WNT7A: variants seen among roughly 807,000 people sequenced by gnomAD.
The protein encoded by WNT7A is Wnt family member 7A.
A neutral mutation model predicts 28.2 loss-of-function variants in WNT7A; 16 were observed. The observed-to-expected ratio is 0.57, with a 90% CI of 0.38 to 0.86. The LOEUF (loss-of-function observed/expected upper bound fraction) is 0.86, where lower values mean the gene tolerates loss of function less well. Among genes scored for constraint, WNT7A ranks in the 40% least tolerant of loss-of-function variants. The pLI, the probability that WNT7A is intolerant of heterozygous loss-of-function variation, is 0.00. For missense variants in WNT7A, 411 were observed against 489.7 expected (o/e 0.84, Z 1.52); for synonymous variants, 190 against 195.9 (o/e 0.97, Z 0.25).
At chr3:13,856,975 A>AAGAAGGAGAAGAAGAAGGAGAAGG (rs1174632547) in intron 2 of WNT7A, among the ~76,000 whole-genome samples, 6 of 97,016 alleles carry the variant, frequency 6.2e-5, no homozygotes, top group Admixed American at 5.3e-4. Context: ...GAAGGAGAAG[A>AAGAAGGAGAAGAAGAAGGAGAAGG]AGAAGAAGAA....
At chr3:13,873,152 G>C (rs754451397) in intron 2 of WNT7A, among the ~76,000 whole-genome samples, 15 of 152,062 alleles carry the variant, frequency 9.9e-5, no homozygotes, top group Non-Finnish European at 1.9e-4. Context: ...TGTGACCCGG[G>C]ACAGTCCCAT....
At chr3:13,865,340 C>G (rs1412689738) in intron 2 of WNT7A, among the ~76,000 whole-genome samples, 1 of 152,172 alleles carries the variant, frequency 6.6e-6, no homozygotes, top group Non-Finnish European at 1.5e-5. Context: ...CAGTAGGCGG[C>G]AGGTGGAGCC....
At chr3:13,843,014 T>C (rs1262464589) in intron 3 of WNT7A, among the ~76,000 whole-genome samples, 1 of 152,122 alleles carries the variant, frequency 6.6e-6, no homozygotes, top group Admixed American at 6.5e-5. Flanking sequence ...CATCACCTAT[T>C]TTGGATAAAG....
chr3:13,863,574 C>T (rs1324802420), intron 2 of WNT7A: 1 of 151,860 alleles, frequency 6.6e-6, no homozygotes, highest in Non-Finnish European at 1.5e-5. Flanking sequence ...AGCTAAAACC[C>T]AGGATGAACT....
intron 2 of WNT7A, among the ~76,000 whole-genome samples, chr3:13,861,029 T>C (rs898056018): frequency 2.6e-5 from 4 of 152,210 alleles, no homozygotes; most frequent in Admixed American, 1.3e-4. Context: ...ATTTTACAGA[T>C]GCAGAAACTG....
At position 13,849,839 on chromosome 3, in the gene WNT7A, A is replaced by G. The variant is rs146408565; in HGVS notation, c.570+4693T>C. Among the ~76,000 whole-genome samples, 90 of 152,352 alleles carry G rather than the reference A, an allele frequency of 5.9e-4. 1 individual carries two copies. The highest frequency in any genetic ancestry group is 2.1e-3 in the African/African-American group (86 of 41,590). ...GCAGACAGAGAAAGCGGCCTGTGCA[A>G]TGGCCCTGAGGTGCGAACAAGCTTG... On this transcript the variant is annotated intron_variant, in intron 3 of 3. Coordinates refer to ENST00000285018, the MANE Select transcript of WNT7A (RefSeq NM_004625.4).
intron 3 of WNT7A, among the ~76,000 whole-genome samples, chr3:13,838,558 G>A (rs186358051): frequency 2.5e-4 from 38 of 152,248 alleles, no homozygotes; most frequent in African/African-American, 8.4e-4. Flanking sequence ...AACCATCTCA[G>A]GGCTGCTGTT....
rs1694011669 is a variant in WNT7A at position 13,816,804 on chromosome 3, T to C, written c.*2140A>G. On this transcript the variant is annotated 3_prime_UTR_variant, in exon 4 of 4. Transcript: ENST00000285018. ...ATCCATCTACCCATCCATCCATTTATCCATTCACCCACCCACCTACTTATC... is the reference window on the plus strand; with the variant it reads ...ATCCATCTACCCATCCATCCATTTACCCATTCACCCACCCACCTACTTATC... 6.6e-6 allele frequency: 1 copy of C among 152,094 alleles called. No individual in the cohort carries two copies. The highest frequency in any genetic ancestry group is 2.4e-5 in the African/African-American group (1 of 41,292). The allele number at this position is 152,094 out of a possible 1,614,324, so 9.4% of individuals were successfully genotyped here. A position where few individuals can be genotyped will look rare whatever the true frequency, so the allele number is the denominator to read the frequency against.
At chr3:13,833,763 G>T (rs989185306) in intron 3 of WNT7A, among the ~76,000 whole-genome samples, 1 of 152,226 alleles carries the variant, frequency 6.6e-6, no homozygotes, top group Non-Finnish European at 1.5e-5. Flanking sequence ...CTGACAGCGG[G>T]GACATGGAGC....
chr3:13,823,153 A>G (rs1050324272), intron 3 of WNT7A, among the ~76,000 whole-genome samples: 1 of 152,148 alleles, frequency 6.6e-6, no homozygotes, highest in Non-Finnish European at 1.5e-5. Context: ...GAGGCAGGGG[A>G]CAATAGCAGA....
intron 3 of WNT7A, among the ~76,000 whole-genome samples, chr3:13,849,113 A>C (rs1235140174): frequency 6.6e-6 from 1 of 152,222 alleles, no homozygotes; most frequent in Non-Finnish European, 1.5e-5. Context: ...AAGTGGCTAT[A>C]CAAGGGCAAC....
intron 2 of WNT7A, among the ~76,000 whole-genome samples, chr3:13,874,025 G>T (rs982174623): frequency 6.6e-6 from 1 of 152,222 alleles, no homozygotes; most frequent in Non-Finnish European, 1.5e-5. Flanking sequence ...GGGTGCAGAA[G>T]GGACTGCAGG....
At chr3:13,820,449 G>A (rs1285398470) in intron 3 of WNT7A, among the ~76,000 whole-genome samples, 1 of 151,734 alleles carries the variant, frequency 6.6e-6, no homozygotes, top group Non-Finnish European at 1.5e-5. Context: ...TCTCAGAGCT[G>A]GTCTGTGAGA....
At chr3:13,837,896 C>T (rs1009716877) in intron 3 of WNT7A, among the ~76,000 whole-genome samples, 1 of 152,198 alleles carries the variant, frequency 6.6e-6, no homozygotes, top group African/African-American at 2.4e-5. Context: ...CAGCTCTGGC[C>T]TCTCCCGACC....
intron 2 of WNT7A, among the ~76,000 whole-genome samples, chr3:13,868,748 A>G (rs1346110242): frequency 6.8e-6 from 1 of 147,502 alleles, no homozygotes; most frequent in African/African-American, 2.5e-5. Context: ...AGAGAAAGAA[A>G]GAAAGGAGGG....
intron 2 of WNT7A, among the ~76,000 whole-genome samples, chr3:13,863,315 G>A (rs999181094): frequency 2.0e-5 from 3 of 152,144 alleles, no homozygotes; most frequent in East Asian, 3.8e-4. Flanking sequence ...TCAGTCTCTC[G>A]CCACTAGGTT....
chr3:13,837,489 A>AGAGGAGG (rs1225055945), intron 3 of WNT7A, among the ~76,000 whole-genome samples: 1 of 152,054 alleles, frequency 6.6e-6, no homozygotes, highest in Non-Finnish European at 1.5e-5. Flanking sequence ...GGGAGCATCT[A>AGAGGAGG]GAGGAGGTCT....
chr3:13,852,804 G>A (rs1160041970), intron 3 of WNT7A, among the ~76,000 whole-genome samples: 4 of 152,176 alleles, frequency 2.6e-5, no homozygotes, highest in Non-Finnish European at 5.9e-5. Context: ...CGGGACGGGT[G>A]TGACTCAGCC....
chr3:13,857,575 C>T (rs894552472), intron 2 of WNT7A, among the ~76,000 whole-genome samples: 9 of 152,056 alleles, frequency 5.9e-5, no homozygotes, highest in African/African-American at 2.2e-4. Context: ...CAAATATATC[C>T]CCCTGCATGC....
Sources: gnomAD v4.1 joint callset for allele counts (sites outside exome capture counted in the v4.1 genomes callset) on GRCh38, gnomAD v4.1.1 for gene constraint, MANE v1.5 for transcripts, NCBI Gene and HGNC (gene_info 2026-07-23, HGNC 2026-07-21) for gene names.